PSMA1: variants seen among roughly 807,000 people sequenced by gnomAD.
The protein encoded by PSMA1 is proteasome subunit alpha type-1.
PSMA1 carries 3 observed loss-of-function variants against 38.4 expected under a neutral mutation model. That is an observed-to-expected ratio of 0.08 (90% CI 0.04 to 0.20). PSMA1 has a LOEUF of 0.20. Among genes scored for constraint, PSMA1 ranks in the 10% least tolerant of loss-of-function variants. The pLI is 1.00. For missense variants in PSMA1, 227 were observed against 325.3 expected (o/e 0.70, Z 2.32); for synonymous variants, 101 against 107.1 (o/e 0.94, Z 0.35).
At chr11:14,575,709 G>A (rs1284392873) in intron 2 of PSMA1, among the ~76,000 whole-genome samples, 17 of 152,102 alleles carry the variant, frequency 1.1e-4, no homozygotes, top group African/African-American at 1.9e-4. Flanking sequence ...GAATAGTGCC[G>A]CAATAAACAT....
chr11:14,518,294 G>A (rs147327971), intron 2 of PSMA1, among the ~76,000 whole-genome samples: 1 of 152,048 alleles, frequency 6.6e-6, no homozygotes, highest in East Asian at 1.9e-4. Flanking sequence ...TAGAGTCCGG[G>A]TTTCATGTTG....
chr11:14,549,145 T>G (rs1851859198), intron 2 of PSMA1, among the ~76,000 whole-genome samples: 1 of 152,180 alleles, frequency 6.6e-6, no homozygotes, highest in Non-Finnish European at 1.5e-5. Context: ...TGATGAAATG[T>G]GCTTATAGGT....
chr11:14,592,912 TATA>T (rs1852441390), intron 2 of PSMA1, among the ~76,000 whole-genome samples: 1 of 152,252 alleles, frequency 6.6e-6, no homozygotes, highest in Admixed American at 6.5e-5. Context: ...AGTTGTGCTT[TATA>T]ATATCATTAT....
chr11:14,607,940 A>C (rs1254384798), intron 2 of PSMA1, among the ~76,000 whole-genome samples: 2 of 152,196 alleles, frequency 1.3e-5, no homozygotes, highest in Admixed American at 1.3e-4. Context: ...CCATCAGTCC[A>C]TTATGATCCT....
chr11:14,598,881 G>A (rs1013411389), intron 2 of PSMA1, among the ~76,000 whole-genome samples: 3 of 151,760 alleles, frequency 2.0e-5, no homozygotes, highest in African/African-American at 4.8e-5. Context: ...GGCTGGTACC[G>A]GTTGTTCCTT....
At chr11:14,641,191 A>G (rs1853196128) in intron 1 of PSMA1, among the ~76,000 whole-genome samples, 2 of 152,074 alleles carry the variant, frequency 1.3e-5, no homozygotes, top group South Asian at 4.2e-4. Flanking sequence ...AATTAAAAAA[A>G]AAAAAGACGT....
chr11:14,563,862 C>T (rs1268901494), intron 2 of PSMA1, among the ~76,000 whole-genome samples: 1 of 152,006 alleles, frequency 6.6e-6, no homozygotes, highest in Non-Finnish European at 1.5e-5. Context: ...TCTCATTTTT[C>T]ACATTTTTGA....
intron 2 of PSMA1, among the ~76,000 whole-genome samples, chr11:14,602,216 T>C (rs2134194323): frequency 6.6e-6 from 1 of 152,320 alleles, no homozygotes; most frequent in East Asian, 1.9e-4. Flanking sequence ...GGAATTTCAG[T>C]TATGTGATAG....
intron 2 of PSMA1, among the ~76,000 whole-genome samples, chr11:14,590,547 G>C (rs1461328125): frequency 6.6e-6 from 1 of 152,146 alleles, no homozygotes; most frequent in East Asian, 1.9e-4. Flanking sequence ...CTAATGAACA[G>C]GGGCATCACT....
chr11:14,597,072 G>C (rs938569912), intron 2 of PSMA1, among the ~76,000 whole-genome samples: 1 of 152,172 alleles, frequency 6.6e-6, no homozygotes, highest in Non-Finnish European at 1.5e-5. Context: ...TATTGAACCA[G>C]CCTTGCATCC....
At chr11:14,601,149 A>T (rs757975446) in intron 2 of PSMA1, among the ~76,000 whole-genome samples, 2 of 152,202 alleles carry the variant, frequency 1.3e-5, no homozygotes, top group Non-Finnish European at 2.9e-5. Context: ...GGAGCCAAAC[A>T]TCATTTACAC....
chr11:14,552,567 G>T (rs1366859335), intron 2 of PSMA1, among the ~76,000 whole-genome samples: 1 of 152,052 alleles, frequency 6.6e-6, no homozygotes, highest in Admixed American at 6.6e-5. Context: ...ATTACTCTAT[G>T]GTAATAAGTG....
chr11:14,512,177 C>A (rs1379340871), intron 7 of PSMA1, among the ~76,000 whole-genome samples: 1 of 152,082 alleles, frequency 6.6e-6, no homozygotes, highest in Non-Finnish European at 1.5e-5. Context: ...GAGTTTGAGA[C>A]CAGCCTGACC....
intron 2 of PSMA1, among the ~76,000 whole-genome samples, chr11:14,527,992 A>G (rs1028434530): frequency 6.6e-6 from 1 of 151,870 alleles, no homozygotes; most frequent in African/African-American, 2.4e-5. Context: ...CCACCACACT[A>G]TCAATCTCAG....
chr11:14,561,017 A>G (rs778190627), intron 2 of PSMA1, among the ~76,000 whole-genome samples: 21 of 152,252 alleles, frequency 1.4e-4, no homozygotes, highest in Non-Finnish European at 2.2e-4. Flanking sequence ...ACAGATGAAC[A>G]TAATATTTTT....
At chr11:14,626,246 G>C (rs1246481646) in intron 1 of PSMA1, among the ~76,000 whole-genome samples, 4 of 151,626 alleles carry the variant, frequency 2.6e-5, no homozygotes, top group Non-Finnish European at 4.4e-5. Context: ...AACACTACTA[G>C]AAAATCACTC....
intron 2 of PSMA1, among the ~76,000 whole-genome samples, chr11:14,553,898 C>A (rs2134170013): frequency 6.6e-6 from 1 of 152,236 alleles, no homozygotes; most frequent in East Asian, 1.9e-4. Flanking sequence ...AATTGCCAAA[C>A]TATTTTGCAG....
chr11:14,516,734 T>C (rs7933506), intron 4 of PSMA1, among the ~76,000 whole-genome samples: 1,720 of 152,206 alleles, frequency 0.011, 27 homozygotes, highest in African/African-American at 0.039. Context: ...AAGACTAGCC[T>C]GGCCAACATG....
intron 2 of PSMA1, among the ~76,000 whole-genome samples, chr11:14,588,913 T>A (rs544036279): frequency 5.3e-4 from 81 of 152,326 alleles, no homozygotes; most frequent in African/African-American, 1.9e-3. Context: ...TGCTGTTCTA[T>A]CTGCCTGGAG....
Sources: gnomAD v4.1 joint callset for allele counts (sites outside exome capture counted in the v4.1 genomes callset) on GRCh38, gnomAD v4.1.1 for gene constraint, MANE v1.5 for transcripts, NCBI Gene and HGNC (gene_info 2026-07-23, HGNC 2026-07-21) for gene names.